TTC29: variants seen among roughly 807,000 people sequenced by gnomAD.
TTC29 encodes the protein tetratricopeptide repeat protein 29.
A neutral mutation model predicts 58.1 loss-of-function variants in TTC29; 49 were observed. That is an observed-to-expected ratio of 0.84 (90% CI 0.67 to 1.07). TTC29 has a LOEUF of 1.07. Among genes scored for constraint, TTC29 ranks in the 50% least tolerant of loss-of-function variants. TTC29 has a pLI of 0.00. For synonymous variants in TTC29, 209 were observed against 196.8 expected (o/e 1.06, Z -0.52); for missense variants, 582 against 555.6 (o/e 1.05, Z -0.48).
intron 11 of TTC29, among the ~76,000 whole-genome samples, chr4:146,767,838 T>G (rs1389501097): frequency 6.6e-6 from 1 of 152,022 alleles, no homozygotes; most frequent in African/African-American, 2.4e-5. Flanking sequence ...ATTGCAAAAA[T>G]AAAAATGGAG....
At position 146,931,436 on chromosome 4, in the gene TTC29, A is replaced by C. The variant is rs191431261; in HGVS notation, c.176+6158T>G. Reference sequence around the variant, plus strand: ...GCAATGATAATTAATAATAGTCTGAATTGAGTGTCGTCTACACGTGTTTCA... The same window carrying C: ...GCAATGATAATTAATAATAGTCTGACTTGAGTGTCGTCTACACGTGTTTCA... On this transcript the variant is annotated intron_variant, in intron 4 of 12. Transcript: ENST00000325106. Among the ~76,000 whole-genome samples the C allele has an allele frequency of 1.4e-4, 21 of 152,340 alleles. No individual in the cohort carries two copies. The East Asian group carries it at 3.9e-3, about 28-fold the overall frequency.
chr4:146,811,726 G>A (rs142854961), intron 10 of TTC29, among the ~76,000 whole-genome samples: 2,041 of 152,286 alleles, frequency 0.013, 22 homozygotes, highest in Non-Finnish European at 0.024. Flanking sequence ...GCATACCTCT[G>A]TATAATCATG....
In TTC29 at chr4:146,825,985, T is replaced by C. The variant is rs150626692; in HGVS notation, c.978-5737A>G. ...TGGTAAATTTTTCTTCATCCCTTTA[T>C]TTCAAGCCTGTGTGTGTCTCTGCAG... On this transcript the variant is annotated intron_variant, in intron 9 of 12. Transcript: ENST00000325106. Among the ~76,000 whole-genome samples the C allele has an allele frequency of 5.1e-3, 773 of 152,268 alleles. 8 individuals are homozygous for C. The highest frequency in any genetic ancestry group is 0.013 in the Admixed American group (197 of 15,288).
chr4:146,832,765 T>G (rs1415528562), intron 9 of TTC29, among the ~76,000 whole-genome samples: 1 of 152,156 alleles, frequency 6.6e-6, no homozygotes, highest in Non-Finnish European at 1.5e-5. Flanking sequence ...GTGCTGGGAT[T>G]ACAGGCGTGA....
In TTC29 at chr4:146,945,802, C is replaced by A. The variant is rs940153420; in HGVS notation, c.-147G>T. 1 of 152,502 alleles carries A rather than the reference C, an allele frequency of 6.6e-6. No individual in the cohort carries two copies. The highest frequency in any genetic ancestry group is 1.5e-5 in the Non-Finnish European group (1 of 68,258). The allele number at this position is 152,502 out of a possible 1,614,324, so 9.4% of individuals were successfully genotyped here. On this transcript the variant is annotated 5_prime_UTR_variant, in exon 1 of 13. Transcript: ENST00000325106. ...CAGGTGCTGGGCGTTGGCGCTGCCC[C>A]CTCCTCTCTCAGTGATTCCGAAGCC...
chr4:146,837,478 T>C (rs1168841561), intron 8 of TTC29, among the ~76,000 whole-genome samples: 2 of 152,114 alleles, frequency 1.3e-5, no homozygotes, highest in Non-Finnish European at 2.9e-5. Context: ...ATCCTGCACA[T>C]GTACCGCTGA....
In TTC29 at chr4:146,888,545, AAG is replaced by A. The variant is rs1273996021; in HGVS notation, c.587-13619_587-13618del. On this transcript the variant is annotated intron_variant, in intron 6 of 12. Transcript: ENST00000325106. ...AACTCTTCCTAGCCCTGGAAGTGAA[AAG>A]AGAAAGCAGCATTTATACAGGCCCA... Among the ~76,000 whole-genome samples the A allele has an allele frequency of 9.9e-5, 15 of 152,270 alleles. No individual in the cohort carries two copies. In the East Asian group the frequency reaches 2.5e-3, roughly 25 times the overall value.
intron 9 of TTC29, among the ~76,000 whole-genome samples, chr4:146,820,947 G>A (rs929281912): frequency 3.3e-5 from 5 of 151,988 alleles, no homozygotes; most frequent in Admixed American, 6.6e-5. Context: ...CAGGAGAATG[G>A]CATGAACCTG....
At chr4:146,818,602 A>G (rs1454028394) in intron 10 of TTC29, among the ~76,000 whole-genome samples, 2 of 148,790 alleles carry the variant, frequency 1.3e-5, no homozygotes, top group East Asian at 4.0e-4. Context: ...CCAAAGGACT[A>G]TAAATCATGC....
intron 11 of TTC29, among the ~76,000 whole-genome samples, chr4:146,775,109 A>G (rs1290645883): frequency 6.6e-6 from 1 of 152,014 alleles, no homozygotes; most frequent in Admixed American, 6.6e-5. Context: ...GCTTTTCTCC[A>G]TCCATTTACT....
intron 11 of TTC29, among the ~76,000 whole-genome samples, chr4:146,780,162 T>G: frequency 6.6e-6 from 1 of 152,276 alleles, no homozygotes; most frequent in Admixed American, 6.5e-5. Flanking sequence ...GGAGTACTTC[T>G]TTTCAAAGTA....
At chr4:146,775,470 G>T (rs1024188036) in intron 11 of TTC29, among the ~76,000 whole-genome samples, 1 of 151,654 alleles carries the variant, frequency 6.6e-6, no homozygotes, top group Non-Finnish European at 1.5e-5. Flanking sequence ...GCATTTGCTT[G>T]TCTGAAAGTA....
intron 11 of TTC29, among the ~76,000 whole-genome samples, chr4:146,769,087 G>A (rs924008771): frequency 6.6e-6 from 1 of 151,852 alleles, no homozygotes; most frequent in African/African-American, 2.4e-5. Flanking sequence ...AACTTTCAGC[G>A]ACAAAATGGT....
At chr4:146,898,932 T>C (rs1372958546) in intron 6 of TTC29, among the ~76,000 whole-genome samples, 1 of 152,210 alleles carries the variant, frequency 6.6e-6, no homozygotes, top group Non-Finnish European at 1.5e-5. Context: ...ATGTAAACCA[T>C]CTAGTCTCAG....
At chr4:146,939,524 C>T (rs1736165166) in intron 3 of TTC29, among the ~76,000 whole-genome samples, 1 of 152,164 alleles carries the variant, frequency 6.6e-6, no homozygotes, top group Non-Finnish European at 1.5e-5. Flanking sequence ...ACATTTAAAA[C>T]AGGAAACTTA....
intron 4 of TTC29, among the ~76,000 whole-genome samples, chr4:146,926,049 C>A (rs1412785954): frequency 6.6e-6 from 1 of 152,076 alleles, no homozygotes; most frequent in Admixed American, 6.6e-5. Context: ...TTTTAAGGAC[C>A]AGTTAACACA....
intron 2 of TTC29, chr4:146,942,631 A>G (rs1448896197): frequency 2.6e-6 from 4 of 1,533,482 alleles, no homozygotes; most frequent in South Asian, 1.2e-5. Flanking sequence ...GAGTCTTCCA[A>G]TGTTACAGTG....
chr4:146,835,263 C>G (rs937411173), intron 8 of TTC29, among the ~76,000 whole-genome samples: 1 of 151,922 alleles, frequency 6.6e-6, no homozygotes, highest in African/African-American at 2.4e-5. Flanking sequence ...CTTAATAACC[C>G]TTGTGTAAAC....
intron 4 of TTC29, among the ~76,000 whole-genome samples, chr4:146,923,250 A>G (rs1413411914): frequency 6.6e-6 from 1 of 151,984 alleles, no homozygotes; most frequent in East Asian, 1.9e-4. Context: ...AGCCAATTTT[A>G]CAAAACCTTA....
Sources: allele counts gnomAD v4.1 joint callset (sites outside exome capture counted in the v4.1 genomes callset), GRCh38; gene constraint gnomAD v4.1.1; transcripts MANE v1.5; gene names NCBI Gene and HGNC (gene_info 2026-07-23, HGNC 2026-07-21).